CUL5: variants seen among roughly 807,000 people sequenced by gnomAD.
CUL5 encodes cullin-5.
CUL5 carries 26 observed loss-of-function variants against 108.8 expected under a neutral mutation model. The ratio of observed to expected loss-of-function variants is 0.24; its 90% CI spans 0.18 to 0.33. The LOEUF (loss-of-function observed/expected upper bound fraction) is 0.33, where lower values mean the gene tolerates loss of function less well. CUL5 is among the 10% of genes least tolerant of loss of function. CUL5 has a pLI of 1.00. For synonymous variants in CUL5, 334 were observed against 298.0 expected (o/e 1.12, Z -1.25); for missense variants, 524 against 909.2 (o/e 0.58, Z 5.45).
At chr11:108,069,304 C>T (rs1023434901) in intron 7 of CUL5, among the ~76,000 whole-genome samples, 1 of 152,066 alleles carries the variant, frequency 6.6e-6, no homozygotes, top group Non-Finnish European at 1.5e-5. Context: ...TTTGTTCTTC[C>T]TTCCCTACCT....
At chr11:108,013,833 A>G (rs1462492061) in intron 1 of CUL5, among the ~76,000 whole-genome samples, 1 of 151,990 alleles carries the variant, frequency 6.6e-6, no homozygotes, top group Non-Finnish European at 1.5e-5. Context: ...CTTTGGGAGG[A>G]TGAGGTGAGA....
chr11:108,031,904 C>CA (rs1862594154), intron 1 of CUL5, among the ~76,000 whole-genome samples: 1 of 152,088 alleles, frequency 6.6e-6, no homozygotes, highest in South Asian at 2.1e-4. Flanking sequence ...TTTTCCTTAG[C>CA]AAACTAATGC....
At chr11:108,049,537 C>A (rs1450747703) in intron 3 of CUL5, among the ~76,000 whole-genome samples, 1 of 151,756 alleles carries the variant, frequency 6.6e-6, no homozygotes, top group Admixed American at 6.6e-5. Context: ...GAGATGAGGT[C>A]TTGCTATGTT....
At position 108,045,118 on chromosome 11, in the gene CUL5, A is replaced by G. The variant is rs528880224; in HGVS notation, c.135-1152A>G. 2.6e-5 allele frequency among the ~76,000 whole-genome samples: 4 copies of G among 152,304 alleles called. No homozygotes were observed. In the South Asian group the frequency reaches 8.3e-4, roughly 32 times the overall value. On this transcript the variant is annotated intron_variant, in intron 2 of 18. Transcript: ENST00000393094. ...TGAACATGCTGTACTAGTATTAAATATATTTCTATAATGAAGAACTTTTTT... is the reference window on the plus strand; with the variant it reads ...TGAACATGCTGTACTAGTATTAAATGTATTTCTATAATGAAGAACTTTTTT...
chr11:108,104,808 T>TA lies in CUL5; in HGVS notation c.*430dup. The TA allele has an allele frequency of 6.5e-6, 1 of 153,194 alleles. No individual in the cohort carries two copies. Among genetic ancestry groups the TA allele is most frequent in the East Asian group, 1.9e-4 (1 of 5,196 alleles). The allele number at this position is 153,194 out of a possible 1,614,324, so 9.5% of individuals were successfully genotyped here. On this transcript the variant is annotated 3_prime_UTR_variant, in exon 19 of 19. Transcript: ENST00000393094. ...GAAAAATGCTGTTATCTTTTGTTTT[T>TA]AAAAAATGCAATTAAAACTAGAAAT...
At chr11:108,078,956 A>G (rs868416524) in intron 11 of CUL5, among the ~76,000 whole-genome samples, 2 of 152,128 alleles carry the variant, frequency 1.3e-5, no homozygotes, top group South Asian at 4.1e-4. Context: ...ATATTATAAT[A>G]TTGATATATT....
At chr11:108,103,554 A>G (rs576439344) in intron 18 of CUL5, among the ~76,000 whole-genome samples, 24 of 152,348 alleles carry the variant, frequency 1.6e-4, no homozygotes, top group Non-Finnish European at 2.9e-4. Context: ...CCTGACCTGT[A>G]CTGCTATACA....
chr11:108,014,920 AC>A (rs933368525), intron 1 of CUL5, among the ~76,000 whole-genome samples: 2 of 151,968 alleles, frequency 1.3e-5, no homozygotes, highest in Non-Finnish European at 2.9e-5. Context: ...TATTTTTGAG[AC>A]GGGGTCTCAC....
chr11:108,055,630 T>C (rs189873433), intron 7 of CUL5, among the ~76,000 whole-genome samples: 13 of 149,396 alleles, frequency 8.7e-5, no homozygotes, highest in Middle Eastern at 3.2e-3. Flanking sequence ...TATATATATA[T>C]ACTTTATCTT....
At chr11:108,090,467 G>A (rs571100127) in intron 13 of CUL5, among the ~76,000 whole-genome samples, 2 of 152,084 alleles carry the variant, frequency 1.3e-5, no homozygotes, top group South Asian at 4.2e-4. Flanking sequence ...CTCCAGCCTG[G>A]GTGACAGAGC....
chr11:108,035,752 C>CA (rs530414592), intron 2 of CUL5, among the ~76,000 whole-genome samples: 1,493 of 124,864 alleles, frequency 0.012, 17 homozygotes, highest in African/African-American at 0.032. Context: ...GACCTTGTCT[C>CA]AAAAAAAAAA....
rs1430211572 is a variant in CUL5, at chr11:108,106,251, C to A, written c.*1867C>A. The A allele has an allele frequency of 6.6e-6, 1 of 152,432 alleles. No individual in the cohort carries two copies. The highest frequency in any genetic ancestry group is 2.4e-5 in the African/African-American group (1 of 41,418). 9.4% of individuals were successfully genotyped at this position (152,432 alleles called of 1,614,324 possible). On this transcript the variant is annotated 3_prime_UTR_variant, in exon 19 of 19. Transcript: ENST00000393094. The stretch of plus-strand genomic sequence containing the variant: ...TTTGCTTGTCCCAATACAAGAATGC[C>A]AAAGGAGGAAACAGGAAAAATTGCC...
At chr11:108,026,245 A>G (rs900877663) in intron 1 of CUL5, among the ~76,000 whole-genome samples, 3 of 152,140 alleles carry the variant, frequency 2.0e-5, no homozygotes, top group Non-Finnish European at 4.4e-5. Context: ...GTGCAGCTGA[A>G]TGTCACTCGA....
intron 7 of CUL5, among the ~76,000 whole-genome samples, chr11:108,060,633 C>G (rs1246667775): frequency 1.3e-5 from 2 of 152,022 alleles, no homozygotes; most frequent in African/African-American, 2.4e-5. Context: ...GTCAGGAGTT[C>G]AAGACCAGCC....
chr11:108,104,456 C>T lies in CUL5; in HGVS notation c.*72C>T. Reference sequence around the variant, plus strand: ...TGGGCAGAAAGTTGTAAAGTTTGTGCTGGAGAAAGGTTTATTTGGACTTTG... The same window carrying T: ...TGGGCAGAAAGTTGTAAAGTTTGTGTTGGAGAAAGGTTTATTTGGACTTTG... On this transcript the variant is annotated 3_prime_UTR_variant, in exon 19 of 19. Transcript: ENST00000393094. 1.0e-6 allele frequency: 1 copy of T among 955,020 alleles called. No homozygotes were observed. The highest frequency in any genetic ancestry group is 2.7e-5 in the East Asian group (1 of 36,392). 59.2% of individuals were successfully genotyped at this position (955,020 alleles called of 1,614,324 possible). A position where few individuals can be genotyped will look rare whatever the true frequency, so the allele number is the denominator to read the frequency against.
intron 11 of CUL5, among the ~76,000 whole-genome samples, chr11:108,080,773 G>A (rs1565262585): frequency 1.3e-5 from 2 of 152,090 alleles, no homozygotes; most frequent in South Asian, 2.1e-4. Context: ...TACTGGATCC[G>A]TATCAGATAG....
intron 2 of CUL5, among the ~76,000 whole-genome samples, chr11:108,044,136 T>C (rs2135115117): frequency 6.6e-6 from 1 of 152,308 alleles, no homozygotes; most frequent in Non-Finnish European, 1.5e-5. Context: ...CTGGACCAGA[T>C]ACCATTATCA....
intron 2 of CUL5, among the ~76,000 whole-genome samples, chr11:108,045,440 A>G (rs1863041462): frequency 6.6e-6 from 1 of 152,212 alleles, no homozygotes; most frequent in Non-Finnish European, 1.5e-5. Context: ...AAAAATTTAA[A>G]AAACTAGACA....
In CUL5 at chr11:108,073,118, C is replaced by T. The variant is rs557970351; in HGVS notation, c.1006-272C>T. Among the ~76,000 whole-genome samples, 792 of 151,258 alleles carry T rather than the reference C, an allele frequency of 5.2e-3. 5 individuals are homozygous for T. Among genetic ancestry groups the T allele is most frequent in the Middle Eastern group, 0.02 (6 of 294 alleles). The stretch of plus-strand genomic sequence containing the variant: ...TTGGGAGGGTGAGGCAGGAGAATGG[C>T]GTGAACCCAGGAAGTGGAGCTTGCA... On this transcript the variant is annotated intron_variant, in intron 9 of 18. Transcript: ENST00000393094.
Sources: gnomAD v4.1 joint callset for allele counts (sites outside exome capture counted in the v4.1 genomes callset) on GRCh38, gnomAD v4.1.1 for gene constraint, MANE v1.5 for transcripts, NCBI Gene and HGNC (gene_info 2026-07-23, HGNC 2026-07-21) for gene names.